The following DNAH5 variants were observed in gnomAD, a reference collection of about 807,000 sequenced individuals.
DNAH5 encodes the protein axonemal beta dynein heavy chain 5.
Under a neutral mutation model 518.2 loss-of-function variants are expected in DNAH5, and 372 were observed. The ratio of observed to expected loss-of-function variants is 0.72; its 90% CI spans 0.66 to 0.78. The LOEUF (loss-of-function observed/expected upper bound fraction) is 0.78, where lower values mean the gene tolerates loss of function less well. Among genes scored for constraint, DNAH5 ranks in the 30% least tolerant of loss-of-function variants. The pLI is 0.00. For synonymous variants in DNAH5, 2,039 were observed against 2,025.9 expected, an observed-to-expected ratio of 1.01 and a Z score of -0.17; for missense variants, 5,523 against 5,687.0, an observed-to-expected ratio of 0.97 and a Z score of 0.93.
At position 13,717,304 on chromosome 5, in the gene DNAH5, C is replaced by G; in HGVS notation, c.12705+11G>C. ...GCCACTAGAGGCATGAGGCAGCATGCGCGGCAGTACCTTTTTGACATCCAT... is the reference window on the plus strand; with the variant it reads ...GCCACTAGAGGCATGAGGCAGCATGGGCGGCAGTACCTTTTTGACATCCAT... On this transcript the variant is annotated intron_variant, in intron 73 of 78. Coordinates refer to ENST00000265104, the MANE Select transcript of DNAH5 (RefSeq NM_001369.3). 1 of 1,611,708 alleles carries G rather than the reference C, an allele frequency of 6.2e-7. No homozygotes were observed. The highest frequency in any genetic ancestry group is 8.5e-7 in the Non-Finnish European group (1 of 1,178,932).
chr5:13,963,018 C>T (rs1251906923), intron 1 of DNAH5, among the ~76,000 whole-genome samples: 1 of 152,126 alleles, frequency 6.6e-6, no homozygotes, highest in Non-Finnish European at 1.5e-5. Flanking sequence ...TGCCCAAGTG[C>T]TCCGCCATTT....
intron 55 of DNAH5, among the ~76,000 whole-genome samples, chr5:13,775,050 T>C (rs1364758825): frequency 6.6e-6 from 1 of 151,652 alleles, no homozygotes; most frequent in Non-Finnish European, 1.5e-5. Context: ...TTTTAAAATC[T>C]TTTTTTTAAG....
chr5:13,984,800 T>A (rs551559488), intron 1 of DNAH5, among the ~76,000 whole-genome samples: 24 of 152,234 alleles, frequency 1.6e-4, no homozygotes, highest in Non-Finnish European at 3.1e-4. Flanking sequence ...GTGGTTTTTG[T>A]CTTTGGTTCT....
Position 13,792,536 on chromosome 5 carries a change from A to C in DNAH5, c.8225-319T>G, listed in dbSNP as rs192962627. Among the ~76,000 whole-genome samples the C allele has an allele frequency of 2.9e-3, 449 of 152,332 alleles. 5 individuals carry two copies. The highest frequency in any genetic ancestry group is 0.01 in the African/African-American group (428 of 41,584). ...TGAAGTTACCTTATAATAAGATAAGAAAAAAGTTTTTATAAGTCCTCTAAG... is the reference window on the plus strand; with the variant it reads ...TGAAGTTACCTTATAATAAGATAAGCAAAAAGTTTTTATAAGTCCTCTAAG... On this transcript the variant is annotated intron_variant, in intron 49 of 78. Transcript: ENST00000265104.
chr5:13,817,271 T>A (rs1355348712), intron 42 of DNAH5, among the ~76,000 whole-genome samples: 1 of 152,226 alleles, frequency 6.6e-6, no homozygotes, highest in Non-Finnish European at 1.5e-5. Flanking sequence ...ATTATCAATT[T>A]TCCTTAACAG....
At chr5:13,868,618 C>T (rs1242943996) in intron 24 of DNAH5, among the ~76,000 whole-genome samples, 1 of 152,174 alleles carries the variant, frequency 6.6e-6, no homozygotes, top group Non-Finnish European at 1.5e-5. Context: ...ATTACTCCTC[C>T]CCATAGAGGT....
In DNAH5 at chr5:13,922,131, A is replaced by G; in HGVS notation, c.636T>C (p.Gly212=). The part of the protein sequence containing the change: ...SLEGFVNVLS[G]AQESLKEKVN... ...CCTTCTCCTTCAGACTCTCCTGTGC[A>G]CCCGACAGGACGTTCACAAAGCCTT... Residue 212 remains glycine, a synonymous_variant, in exon 5 of 79, where the codon GGT becomes GGC. Coordinates refer to ENST00000265104, the MANE Select transcript of DNAH5 (RefSeq NM_001369.3). The G allele has an allele frequency of 6.2e-7, 1 of 1,614,026 alleles. No homozygotes were observed. Among genetic ancestry groups the G allele is most frequent in the Non-Finnish European group, 8.5e-7 (1 of 1,179,996 alleles).
intron 1 of DNAH5, among the ~76,000 whole-genome samples, chr5:13,942,368 T>G (rs544042551): frequency 1.3e-5 from 2 of 152,308 alleles, no homozygotes; most frequent in African/African-American, 4.8e-5. Context: ...ACATACATAC[T>G]TATAGTTAGG....
intron 1 of DNAH5, among the ~76,000 whole-genome samples, chr5:14,007,958 A>T (rs535068651): frequency 1.8e-4 from 27 of 152,142 alleles, no homozygotes; most frequent in African/African-American, 6.3e-4. Flanking sequence ...GGATCACCTG[A>T]GGTGAGGAGT....
chr5:13,830,775 T>C lies in DNAH5; in HGVS notation c.5883A>G (p.Arg1961=). The C allele has an allele frequency of 6.2e-7, 1 of 1,614,072 alleles. No homozygotes were observed. Among genetic ancestry groups the C allele is most frequent in the Non-Finnish European group, 8.5e-7 (1 of 1,180,002 alleles). The change falls in exon 36 of 79, where the codon AGA becomes AGG. Residue 1961 remains arginine (R), a splice_region_variant and synonymous_variant. Transcript: ENST00000265104. ...DRLVITPLTD[R]CYITLAQALG... Reference sequence around the variant, plus strand: ...GAGCTTGAGCCAGCGTGATGTAACATCTGCATGGGTAGAAACATCACTAGA... The same window carrying C: ...GAGCTTGAGCCAGCGTGATGTAACACCTGCATGGGTAGAAACATCACTAGA...
At chr5:13,840,856 G>A (rs1765056264) in intron 34 of DNAH5, 50 bp downstream of exon 34, 14 of 1,447,346 alleles carry the variant, frequency 9.7e-6, no homozygotes, top group Non-Finnish European at 1.3e-5. Flanking sequence ...TGCAGATAGT[G>A]TCTAGAATTT....
intron 4 of DNAH5, 43 bp downstream of exon 4, chr5:13,923,237 G>A: frequency 6.2e-7 from 1 of 1,611,178 alleles, no homozygotes; most frequent in Non-Finnish European, 8.5e-7. Flanking sequence ...CAAGTTGTGT[G>A]TTTTTTGGTA....
intron 70 of DNAH5, among the ~76,000 whole-genome samples, chr5:13,726,842 CT>C (rs1745806306): frequency 6.6e-6 from 1 of 152,170 alleles, no homozygotes; most frequent in Non-Finnish European, 1.5e-5. Flanking sequence ...TGGAAAAGCC[CT>C]TAAGGAGTCA....
chr5:13,703,404 T>TTAGA (rs35388312), intron 76 of DNAH5, among the ~76,000 whole-genome samples: 78,455 of 151,644 alleles, frequency 0.52, 20,478 homozygotes, highest in Middle Eastern at 0.55. Flanking sequence ...GTACCCCAAG[T>TTAGA]TAGCCCATAA....
intron 1 of DNAH5, among the ~76,000 whole-genome samples, chr5:13,953,104 T>C (rs1780539240): frequency 6.6e-6 from 1 of 152,178 alleles, no homozygotes; most frequent in African/African-American, 2.4e-5. Flanking sequence ...CTCATACACA[T>C]AAAGAATAAG....
At chr5:13,767,560 A>C (rs755200542) in intron 58 of DNAH5, among the ~76,000 whole-genome samples, 3 of 152,234 alleles carry the variant, frequency 2.0e-5, no homozygotes, top group Non-Finnish European at 2.9e-5. Context: ...AGAAAAATAG[A>C]ACAGCAGCCA....
At chr5:13,950,662 CATGT>C (rs1217715740) in intron 1 of DNAH5, among the ~76,000 whole-genome samples, 2 of 152,178 alleles carry the variant, frequency 1.3e-5, no homozygotes, top group Non-Finnish European at 2.9e-5. Flanking sequence ...TGAATGAAGA[CATGT>C]AAATTCAATT....
intron 67 of DNAH5, among the ~76,000 whole-genome samples, 199 bp from the exon 68 acceptor site, chr5:13,735,520 A>C (rs551625254): frequency 3.8e-4 from 58 of 152,314 alleles, no homozygotes; most frequent in South Asian, 1.5e-3. Context: ...AATGTTGTCT[A>C]AATCAATTCT....
intron 1 of DNAH5, among the ~76,000 whole-genome samples, chr5:13,973,662 G>A (rs1445903058): frequency 6.6e-6 from 1 of 150,564 alleles, no homozygotes; most frequent in Non-Finnish European, 1.5e-5. Context: ...GATATATATA[G>A]TCATATAGAG....
Sources: gnomAD v4.1 joint callset for allele counts (sites outside exome capture counted in the v4.1 genomes callset) on GRCh38, gnomAD v4.1.1 for gene constraint, MANE v1.5 for transcripts, NCBI Gene and HGNC (gene_info 2026-07-23, HGNC 2026-07-21) for gene names.